WDR33: variants seen among roughly 807,000 people sequenced by gnomAD.
WDR33 encodes WD repeat domain 33.
In WDR33, 47 loss-of-function variants were observed where a neutral mutation model predicts 164.9. The ratio of observed to expected loss-of-function variants is 0.29; its 90% CI spans 0.23 to 0.36. The LOEUF (loss-of-function observed/expected upper bound fraction) is 0.36, where lower values mean the gene tolerates loss of function less well. Among genes scored for constraint, WDR33 ranks in the 10% least tolerant of loss-of-function variants. WDR33 has a pLI of 1.00. For synonymous variants in WDR33, 505 were observed against 589.0 expected (o/e 0.86, Z 2.06); for missense variants, 1,137 against 1,754.1 (o/e 0.65, Z 6.28).
Position 127,763,705 on chromosome 2 carries a change from T to C in WDR33, c.627-546A>G. 1.0e-6 allele frequency: 1 copy of C among 985,742 alleles called. No individual in the cohort carries two copies. Among genetic ancestry groups the C allele is most frequent in the Non-Finnish European group, 1.2e-6 (1 of 830,166 alleles). 61.1% of individuals were successfully genotyped at this position (985,742 alleles called of 1,614,324 possible). A position where few individuals can be genotyped will look rare whatever the true frequency, so the allele number is the denominator to read the frequency against. On this transcript the variant is annotated intron_variant, in intron 6 of 21. Transcript: ENST00000322313. This position sits in a 1 kb window ranked among gnomAD's most constrained non-coding sequence, Gnocchi z 4.5. ...AGTTTCACATCTTCCTGGCAAGCTA[T>C]TCCATGAATGTTGCACCTTTGAGGA...
rs1686309337 is a variant in WDR33, at chr2:127,716,646, A to G, written c.2869+509T>C. Among the ~76,000 whole-genome samples, 1 of 152,132 alleles carries G rather than the reference A, an allele frequency of 6.6e-6. No homozygotes were observed. The highest frequency in any genetic ancestry group is 2.4e-5 in the African/African-American group (1 of 41,420). The stretch of plus-strand genomic sequence containing the variant: ...CCACATCTAAATACTAATCATTCTC[A>G]TCTCTTTCCTTTTCATATCAACAAC... On this transcript the variant is annotated intron_variant, in intron 17 of 21. Coordinates refer to ENST00000322313, the MANE Select transcript of WDR33 (RefSeq NM_018383.5). This position sits in a 1 kb window ranked among gnomAD's most constrained non-coding sequence, Gnocchi z 4.5.
At chr2:127,749,336 A>G (rs1233692837) in intron 7 of WDR33, among the ~76,000 whole-genome samples, 1 of 152,106 alleles carries the variant, frequency 6.6e-6, no homozygotes, top group African/African-American at 2.4e-5. Flanking sequence ...GGTCTCAATA[A>G]AACAAAACAA....
At chr2:127,788,737 C>T (rs1405106235) in intron 1 of WDR33, among the ~76,000 whole-genome samples, 2,101 of 101,090 alleles carry the variant, frequency 0.021, no homozygotes, top group East Asian at 0.039. Flanking sequence ...CACGGCTGGC[C>T]GGTCGGGGGG....
chr2:127,798,742 C>T (rs1003260962), intron 1 of WDR33, among the ~76,000 whole-genome samples: 18 of 151,968 alleles, frequency 1.2e-4, no homozygotes, highest in African/African-American at 3.4e-4. Flanking sequence ...ATACGATGAA[C>T]TGAAAGTTAA....
At chr2:127,751,861 T>TCTGCTATGTCACAGGTAAGGTTTCGGCTC (rs1687374195) in intron 7 of WDR33, among the ~76,000 whole-genome samples, 1 of 152,134 alleles carries the variant, frequency 6.6e-6, no homozygotes, top group African/African-American at 2.4e-5. Context: ...CAGACCCACA[T>TCTGCTATGTCACAGGTAAGGTTTCGGCTC]CTGCTATGTC....
intron 1 of WDR33, among the ~76,000 whole-genome samples, chr2:127,796,080 T>A (rs1200006862): frequency 6.6e-6 from 1 of 151,222 alleles, no homozygotes; most frequent in African/African-American, 2.4e-5. Context: ...GTTAATTTTT[T>A]TTTTTTTTTT....
Position 127,713,717 on chromosome 2 carries a change from G to A in WDR33, c.3174C>T (p.His1058=). ...GGCCATCCCCCTCGCTGAATTCCCT[G>A]TGATCAGGGGGAAACGGAGGCCCAG... The part of the protein sequence containing the change: ...GGPGPPFPPD[H]REFSEGDGRG... The change falls in exon 18 of 22, where the codon CAC becomes CAT. Residue 1058 remains histidine, a synonymous_variant. Transcript: ENST00000322313. This position sits in a 1 kb window ranked among gnomAD's most constrained non-coding sequence, Gnocchi z 6.2. 1 of 1,614,222 alleles carries A rather than the reference G, an allele frequency of 6.2e-7. No homozygotes were observed. The highest frequency in any genetic ancestry group is 8.5e-7 in the Non-Finnish European group (1 of 1,180,004).
chr2:127,737,647 G>C (rs1452622930), intron 7 of WDR33: 2 of 1,020,554 alleles, frequency 2.0e-6, no homozygotes, highest in Non-Finnish European at 2.3e-6. Flanking sequence ...AGAATAAAGA[G>C]AAGCCATGAC....
At chr2:127,809,053 AG>A (rs58842420) in intron 1 of WDR33, among the ~76,000 whole-genome samples, 8,997 of 136,692 alleles carry the variant, frequency 0.066, 248 homozygotes, top group Non-Finnish European at 0.08. Flanking sequence ...AAAAAAAAAA[AG>A]AATTCCAGAA....
intron 1 of WDR33, among the ~76,000 whole-genome samples, chr2:127,787,490 AC>A (rs1299721860): frequency 1.1e-4 from 12 of 108,878 alleles, no homozygotes; most frequent in East Asian, 2.5e-4. Context: ...CGGGGGGCTG[AC>A]CCCCCCCACC....
At position 127,706,282 on chromosome 2, in the gene WDR33, C is replaced by A; in HGVS notation, c.*41G>T. On this transcript the variant is annotated 3_prime_UTR_variant, in exon 22 of 22. Coordinates refer to ENST00000322313, the MANE Select transcript of WDR33 (RefSeq NM_018383.5). This position sits in a 1 kb window ranked among gnomAD's most constrained non-coding sequence, Gnocchi z 5.1. The stretch of plus-strand genomic sequence containing the variant: ...TTGGTGAGTCCACAAGAAGTTCTTA[C>A]ATACTGTCCAGAGAGGCCTCAGGGT... 3 of 1,477,432 alleles carry A rather than the reference C, an allele frequency of 2.0e-6. No individual in the cohort carries two copies. The highest frequency in any genetic ancestry group is 1.4e-5 in the South Asian group (1 of 69,912). 91.5% of individuals were successfully genotyped at this position (1,477,432 alleles called of 1,614,324 possible).
chr2:127,750,134 C>T (rs1687279851), intron 7 of WDR33, among the ~76,000 whole-genome samples: 1 of 152,076 alleles, frequency 6.6e-6, no homozygotes, highest in Non-Finnish European at 1.5e-5. Flanking sequence ...AAGAGATCCT[C>T]CTACCTCAGC....
At chr2:127,803,410 T>C (rs757363747) in intron 1 of WDR33, among the ~76,000 whole-genome samples, 2 of 151,902 alleles carry the variant, frequency 1.3e-5, no homozygotes, top group African/African-American at 4.8e-5. Flanking sequence ...TAAAACCCCA[T>C]CTCTACTAAA....
Position 127,735,422 on chromosome 2 carries a change from G to A in WDR33, c.725-8645C>T, listed in dbSNP as rs1686814565. The A allele has an allele frequency of 1.0e-6, 1 of 985,714 alleles. No individual in the cohort carries two copies. 61.1% of individuals were successfully genotyped at this position (985,714 alleles called of 1,614,324 possible). On this transcript the variant is annotated intron_variant, in intron 7 of 21. Transcript: ENST00000322313. The surrounding 1 kb of genome is among the most constrained non-coding windows in gnomAD (Gnocchi z 4.3). Reference sequence around the variant, plus strand: ...AAGTTTTATTTGAAGGTCAGAAATGGTGTCCATGTTCCCATTTTATTTTTC... The same window carrying A: ...AAGTTTTATTTGAAGGTCAGAAATGATGTCCATGTTCCCATTTTATTTTTC...
At chr2:127,784,828 T>C (rs1688505126) in intron 1 of WDR33, among the ~76,000 whole-genome samples, 1 of 152,224 alleles carries the variant, frequency 6.6e-6, no homozygotes, top group South Asian at 2.1e-4. Flanking sequence ...GAGAATTACG[T>C]ATATCATCCA....
At chr2:127,742,850 T>C (rs1209301788) in intron 7 of WDR33, among the ~76,000 whole-genome samples, 4 of 143,554 alleles carry the variant, frequency 2.8e-5, no homozygotes, top group African/African-American at 7.9e-5. Flanking sequence ...TGTATACCTA[T>C]ACTCACAGTT....
rs764718254 is a variant in WDR33, at chr2:127,781,999, T to TAA, written c.-23-10997_-23-10996dup. On this transcript the variant is annotated intron_variant, in intron 1 of 21. Coordinates refer to ENST00000322313, the MANE Select transcript of WDR33 (RefSeq NM_018383.5). Reference sequence around the variant, plus strand: ...GGCAAGAAGAGCGAAACTCTTTTTCTAAAAAAAAAAAAAAAAAAAAAAATC... The same window carrying TAA: ...GGCAAGAAGAGCGAAACTCTTTTTCTAAAAAAAAAAAAAAAAAAAAAAAAATC... Among the ~76,000 whole-genome samples, 337 of 90,120 alleles carry TAA rather than the reference T, an allele frequency of 3.7e-3. 5 individuals are homozygous for TAA. Among genetic ancestry groups the TAA allele is most frequent in the Middle Eastern group, 0.016 (2 of 124 alleles). 59.1% of individuals were successfully genotyped at this position (90,120 alleles called of 152,430 possible). A position where few individuals can be genotyped will look rare whatever the true frequency, so the allele number is the denominator to read the frequency against.
At chr2:127,755,978 T>C (rs1687505528) in intron 7 of WDR33, among the ~76,000 whole-genome samples, 1 of 152,288 alleles carries the variant, frequency 6.6e-6, no homozygotes, top group East Asian at 1.9e-4. Flanking sequence ...CTCTGGTCTC[T>C]TTACAACTAA....
At chr2:127,715,049 C>T (rs145563327) in intron 17 of WDR33, among the ~76,000 whole-genome samples, 175 of 151,922 alleles carry the variant, frequency 1.2e-3, no homozygotes, top group Non-Finnish European at 1.6e-3. Context: ...TCACCTCCCC[C>T]GCAACAGCAT....
Sources: allele counts gnomAD v4.1 joint callset (sites outside exome capture counted in the v4.1 genomes callset), GRCh38; gene constraint gnomAD v4.1.1; non-coding constraint Gnocchi (gnomAD v3.1); transcripts MANE v1.5; gene names NCBI Gene and HGNC (gene_info 2026-07-23, HGNC 2026-07-21).